Variants in GARNL3 observed in about 807,000 individuals in gnomAD.
The protein encoded by GARNL3 is GTPase-activating Rap/Ran-GAP domain-like protein 3.
In GARNL3, 63 loss-of-function variants were observed where a neutral mutation model predicts 125.0. The observed-to-expected ratio is 0.50, with a 90% CI of 0.41 to 0.62. The LOEUF is 0.62. Ranked by LOEUF, GARNL3 falls within the 20% of genes least tolerant of loss-of-function variation. The pLI, the probability that GARNL3 is intolerant of heterozygous loss-of-function variation, is 0.00. For synonymous variants in GARNL3, 439 were observed against 457.5 expected, an observed-to-expected ratio of 0.96 and a Z score of 0.52; for missense variants, 994 against 1,244.0, an observed-to-expected ratio of 0.80 and a Z score of 3.02.
At chr9:127,383,660 C>A in intron 23 of GARNL3, 115 bp downstream of exon 23, 1 of 625,390 alleles carries the variant, frequency 1.6e-6, no homozygotes. Context: ...ATAAATTATA[C>A]GCGTATGATG....
chr9:127,319,952 A>G (rs1189665748), intron 5 of GARNL3, among the ~76,000 whole-genome samples: 1 of 152,238 alleles, frequency 6.6e-6, no homozygotes, highest in African/African-American at 2.4e-5. Context: ...AGTTGCTGCC[A>G]GCAGAGAAAA....
At chr9:127,344,413 C>CAA in intron 15 of GARNL3, 74 bp downstream of exon 15, 1 of 990,310 alleles carries the variant, frequency 1.0e-6, no homozygotes, top group South Asian at 1.4e-5. Flanking sequence ...GGCCCATGTG[C>CAA]AAAGACTTTG....
Position 127,332,361 on chromosome 9 carries a change from C to G in GARNL3, c.670+12C>G. On this transcript the variant is annotated intron_variant, in intron 8 of 27. Coordinates refer to ENST00000373387, the MANE Select transcript of GARNL3 (RefSeq NM_032293.5). The stretch of plus-strand genomic sequence containing the variant: ...GATGTTCAGCAATGGTGAGTGATCT[C>G]CTCCCGCTCTCTGCTGCCAGAGACC... 1 of 1,609,746 alleles carries G rather than the reference C, an allele frequency of 6.2e-7. No homozygotes were observed. Among genetic ancestry groups the G allele is most frequent in the Non-Finnish European group, 8.5e-7 (1 of 1,176,148 alleles).
chr9:127,264,111 C>T, upstream of GARNL3: 1 of 704,522 alleles, frequency 1.4e-6, no homozygotes, highest in Non-Finnish European at 2.3e-6. Flanking sequence ...ATTTGCATGA[C>T]ATATTAGAAT....
intron 1 of GARNL3, among the ~76,000 whole-genome samples, chr9:127,272,671 G>T (rs1279697848): frequency 3.3e-5 from 5 of 152,110 alleles, no homozygotes; most frequent in Non-Finnish European, 7.3e-5. Context: ...GTAGAGACAG[G>T]TTTCACCATG....
At chr9:127,325,644 T>A (rs959467999) in intron 7 of GARNL3, among the ~76,000 whole-genome samples, 1 of 151,994 alleles carries the variant, frequency 6.6e-6, no homozygotes, top group Non-Finnish European at 1.5e-5. Flanking sequence ...CTTGGAAAAA[T>A]CCTTAATCCA....
chr9:127,328,155 T>C (rs2065632172), intron 7 of GARNL3, among the ~76,000 whole-genome samples: 1 of 152,232 alleles, frequency 6.6e-6, no homozygotes, highest in African/African-American at 2.4e-5. Context: ...CCTCTGCTTT[T>C]TTTGAAACTC....
intron 11 of GARNL3, 71 bp from the exon 12 acceptor site, chr9:127,338,045 G>A: frequency 2.7e-6 from 3 of 1,130,550 alleles, no homozygotes; most frequent in East Asian, 2.3e-5. Flanking sequence ...TCTGCACAAG[G>A]GATTTTCAGA....
chr9:127,389,536 G>A (rs112886233), intron 26 of GARNL3, among the ~76,000 whole-genome samples: 3 of 152,206 alleles, frequency 2.0e-5, no homozygotes, highest in Non-Finnish European at 4.4e-5. Context: ...TTACACGTGT[G>A]TGTTCAGTTC....
intron 1 of GARNL3, among the ~76,000 whole-genome samples, chr9:127,231,923 A>T (rs1298818078): frequency 2.6e-5 from 4 of 152,192 alleles, no homozygotes; most frequent in African/African-American, 9.7e-5. Flanking sequence ...CTCATAAATA[A>T]TGCCATACTG....
intron 13 of GARNL3, among the ~76,000 whole-genome samples, chr9:127,341,710 G>A (rs770491836): frequency 2.1e-4 from 32 of 152,300 alleles, no homozygotes; most frequent in Middle Eastern, 3.4e-3. Flanking sequence ...CTAGGGACCC[G>A]GCTTATAAGT....
rs149694236 is a variant in GARNL3, at chr9:127,387,195, G to A, written c.2391G>A (p.Ser797=). 7.7e-5 allele frequency: 124 copies of A among 1,610,928 alleles called. No individual in the cohort carries two copies. In the African/African-American group the frequency reaches 1.1e-3, roughly 15 times the overall value. The change falls in exon 25 of 28, where the codon TCG becomes TCA. Residue 797 remains serine, a splice_region_variant and synonymous_variant. Transcript: ENST00000373387. The stretch of plus-strand genomic sequence containing the variant: ...TAATGCTCTCTCTTCCTTTCTAGTC[G>A]GATATATACTTCACAGCAACTGCAG... ...VPQLQLVASR[S]DIYFTATAAV...
intron 2 of GARNL3, among the ~76,000 whole-genome samples, chr9:127,253,050 T>C (rs1381085973): frequency 1.3e-5 from 2 of 152,224 alleles, no homozygotes; most frequent in Non-Finnish European, 2.9e-5. Context: ...AGGCAACATT[T>C]ATAGCATTTT....
intron 1 of GARNL3, among the ~76,000 whole-genome samples, chr9:127,286,069 G>T (rs991649862): frequency 2.0e-5 from 3 of 152,096 alleles, no homozygotes; most frequent in African/African-American, 7.2e-5. Flanking sequence ...TGCAGATCTG[G>T]ATTGATCAGA....
At chr9:127,303,182 A>G (rs1358496365) in intron 2 of GARNL3, among the ~76,000 whole-genome samples, 1 of 152,148 alleles carries the variant, frequency 6.6e-6, no homozygotes, top group Non-Finnish European at 1.5e-5. Context: ...AAATATTCCC[A>G]AGATATTTTC....
At chr9:127,228,354 T>TTA (rs1345254401) in intron 1 of GARNL3, among the ~76,000 whole-genome samples, 1 of 152,230 alleles carries the variant, frequency 6.6e-6, no homozygotes, top group Non-Finnish European at 1.5e-5. Context: ...AATGAACATT[T>TTA]TAAAGCCTTT....
chr9:127,333,583 G>A (rs1337059662), intron 9 of GARNL3, among the ~76,000 whole-genome samples: 1 of 152,136 alleles, frequency 6.6e-6, no homozygotes, highest in Non-Finnish European at 1.5e-5. Flanking sequence ...GGGGATTAAG[G>A]AAGGCTTCTC....
At position 127,345,393 on chromosome 9, in the gene GARNL3, GT is replaced by G; in HGVS notation, c.1357-8del. Reference sequence around the variant, plus strand: ...CTAGTAAACTTTAATAGAGATCTCTGTTCTGTAAGGCACTAAAACTGAAATC... The same window carrying G: ...CTAGTAAACTTTAATAGAGATCTCTGTCTGTAAGGCACTAAAACTGAAATC... On this transcript the variant is annotated splice_polypyrimidine_tract_variant and intron_variant, in intron 15 of 27. Transcript: ENST00000373387. 1 of 1,584,164 alleles carries G rather than the reference GT, an allele frequency of 6.3e-7. No homozygotes were observed. Among genetic ancestry groups the G allele is most frequent in the African/African-American group, 1.4e-5 (1 of 73,990 alleles).
In GARNL3 at chr9:127,335,263, T is replaced by A; in HGVS notation, c.803T>A (p.Val268Glu). The change falls in exon 10 of 28, where the codon GTG becomes GAG. Residue 268 changes from valine (V) to glutamate (E), a missense_variant. Physicochemically the swap from Val to Glu is moderately radical, Grantham distance 121 (BLOSUM62 -2). Around this residue, in one of 5 missense-constraint regions of GARNL3, gnomAD observed 71 missense variants for 66.2 expected, o/e 1.07. Transcript: ENST00000373387. ...DTTGIHSVYT[V>E]YQGHEIMFHV... ...ACAGGGATACATTCAGTTTATACTG[T>A]GTACCAAGGGCATGAGATCATGTTT... The A allele has an allele frequency of 6.2e-7, 1 of 1,613,962 alleles. No individual in the cohort carries two copies. Among genetic ancestry groups the A allele is most frequent in the Admixed American group, 1.7e-5 (1 of 60,030 alleles).
Sources: gnomAD v4.1 joint callset for allele counts (sites outside exome capture counted in the v4.1 genomes callset) on GRCh38, gnomAD v4.1.1 for gene constraint, gnomAD v4.1.1 regional missense constraint, MANE v1.5 for transcripts, NCBI Gene and HGNC (gene_info 2026-07-23, HGNC 2026-07-21) for gene names.